NRG3: variants seen among roughly 807,000 people sequenced by gnomAD.
NRG3 encodes neuregulin 3, also known as pro-neuregulin-3, membrane-bound isoform.
NRG3 carries 31 observed loss-of-function variants against 66.9 expected under a neutral mutation model. That is an observed-to-expected ratio of 0.46 (90% CI 0.35 to 0.63). The LOEUF is 0.63. NRG3 is among the 20% of genes least tolerant of loss of function. The pLI is 0.00. For missense variants in NRG3, 910 were observed against 878.9 expected (o/e 1.04, Z -0.45); for synonymous variants, 393 against 359.4 (o/e 1.09, Z -1.06).
chr10:82,357,251 G>T (rs551696765), intron 1 of NRG3, among the ~76,000 whole-genome samples: 29 of 152,202 alleles, frequency 1.9e-4, no homozygotes, highest in Admixed American at 1.2e-3. Context: ...GATGGCCCAT[G>T]CCCTGGTTTG....
At chr10:82,689,353 T>C (rs1050164406) in intron 2 of NRG3, among the ~76,000 whole-genome samples, 53 of 152,186 alleles carry the variant, frequency 3.5e-4, no homozygotes, top group African/African-American at 1.2e-3. Context: ...TTCTCCTGGA[T>C]TCTGCACACA....
At chr10:82,594,493 G>A (rs2047158985) in intron 2 of NRG3, among the ~76,000 whole-genome samples, 1 of 152,096 alleles carries the variant, frequency 6.6e-6, no homozygotes, top group Non-Finnish European at 1.5e-5. Context: ...GCACTGCTAA[G>A]ATGAACCTAA....
At chr10:82,704,992 C>G (rs956848387) in intron 2 of NRG3, among the ~76,000 whole-genome samples, 2 of 151,938 alleles carry the variant, frequency 1.3e-5, no homozygotes, top group African/African-American at 4.8e-5. Context: ...AGAAATCATG[C>G]AAAAAGTAAA....
chr10:82,123,775 G>A (rs766343073), intron 1 of NRG3, among the ~76,000 whole-genome samples: 3 of 152,066 alleles, frequency 2.0e-5, no homozygotes, highest in South Asian at 2.1e-4. Context: ...CAGTGGAATC[G>A]TCTGGAAAAC....
chr10:82,583,893 CT>C (rs1384267449), intron 2 of NRG3, among the ~76,000 whole-genome samples: 1 of 152,136 alleles, frequency 6.6e-6, no homozygotes, highest in Non-Finnish European at 1.5e-5. Context: ...ACCCCTGGGC[CT>C]TGCAGCCAAA....
chr10:82,768,906 A>C (rs1185674630), intron 3 of NRG3, among the ~76,000 whole-genome samples: 1 of 152,088 alleles, frequency 6.6e-6, no homozygotes, highest in Non-Finnish European at 1.5e-5. Context: ...ACCCTCAAGC[A>C]ATTTGATTTT....
intron 3 of NRG3, among the ~76,000 whole-genome samples, chr10:82,762,353 T>A (rs1383000613): frequency 6.6e-6 from 1 of 152,144 alleles, no homozygotes; most frequent in Non-Finnish European, 1.5e-5. Flanking sequence ...ATTATAAAAT[T>A]AAATTTTTCA....
chr10:82,295,261 T>A (rs2079990446), intron 1 of NRG3, among the ~76,000 whole-genome samples: 1 of 152,204 alleles, frequency 6.6e-6, no homozygotes, highest in African/African-American at 2.4e-5. Context: ...TCGTTTCATT[T>A]AAGATGTAGA....
chr10:82,354,395 CT>C (rs11308301), intron 1 of NRG3, among the ~76,000 whole-genome samples: 33,787 of 141,670 alleles, frequency 0.24, 4,762 homozygotes, highest in African/African-American at 0.41. Flanking sequence ...AAAAGTTGTC[CT>C]TTTTTTTTTT....
At chr10:82,177,463 A>G (rs2073116419) in intron 1 of NRG3, among the ~76,000 whole-genome samples, 1 of 152,234 alleles carries the variant, frequency 6.6e-6, no homozygotes, top group Admixed American at 6.5e-5. Flanking sequence ...TTACATAATA[A>G]CTGAGTACAA....
intron 1 of NRG3, among the ~76,000 whole-genome samples, chr10:81,892,117 T>C (rs1843063062): frequency 6.6e-6 from 1 of 152,160 alleles, no homozygotes; most frequent in Non-Finnish European, 1.5e-5. Context: ...AGATGAACTT[T>C]GCTTGTTTAC....
At chr10:82,934,293 C>T (rs1847864365) in intron 4 of NRG3, among the ~76,000 whole-genome samples, 1 of 152,190 alleles carries the variant, frequency 6.6e-6, no homozygotes, top group South Asian at 2.1e-4. Context: ...AAATACTCTA[C>T]ATACTTTTTA....
chr10:82,684,917 T>C (rs2054393956), intron 2 of NRG3, among the ~76,000 whole-genome samples: 1 of 152,146 alleles, frequency 6.6e-6, no homozygotes, highest in Admixed American at 6.5e-5. Context: ...TGAAGAACCT[T>C]TAGTGCCTTG....
intron 1 of NRG3, among the ~76,000 whole-genome samples, chr10:81,996,159 G>C (rs2060931916): frequency 6.6e-6 from 1 of 152,172 alleles, no homozygotes. Context: ...GTGACAAATA[G>C]ATAATGCATC....
intron 2 of NRG3, among the ~76,000 whole-genome samples, chr10:82,466,707 C>G (rs1308466226): frequency 3.9e-5 from 6 of 151,904 alleles, no homozygotes; most frequent in Non-Finnish European, 7.4e-5. Flanking sequence ...AGGCCAGTAC[C>G]CAAGAAATTA....
intron 2 of NRG3, among the ~76,000 whole-genome samples, chr10:82,548,108 G>C (rs2044053905): frequency 6.8e-6 from 1 of 146,254 alleles, no homozygotes; most frequent in African/African-American, 2.6e-5. Flanking sequence ...CACCCAGTAA[G>C]ATATATAACT....
In NRG3 at chr10:82,336,461, T is replaced by G. The variant is rs1482491521; in HGVS notation, c.824-22278T>G. ...TTAAATTGGAATTTCTGTTAAAAAT[T>G]CCGAATTTTCTCAGCAATAACTTTC... On this transcript the variant is annotated intron_variant, in intron 1 of 8. Transcript: ENST00000372141. Among the ~76,000 whole-genome samples the G allele has an allele frequency of 2.0e-5, 3 of 152,092 alleles. No homozygotes were observed. The South Asian group carries it at 6.2e-4, about 32-fold the overall frequency.
intron 3 of NRG3, among the ~76,000 whole-genome samples, chr10:82,812,122 G>A (rs539983331): frequency 7.6e-4 from 115 of 152,258 alleles, no homozygotes; most frequent in Non-Finnish European, 1.4e-3. Context: ...ATGTTAATAT[G>A]TATATAATTA....
chr10:82,308,568 G>T lies in NRG3; in HGVS notation c.824-50171G>T, dbSNP rs913605482. Among the ~76,000 whole-genome samples the T allele has an allele frequency of 3.3e-5, 5 of 152,056 alleles. No homozygotes were observed. The East Asian group carries it at 5.8e-4, about 18-fold the overall frequency. On this transcript the variant is annotated intron_variant, in intron 1 of 8. Coordinates refer to ENST00000372141, the MANE Select transcript of NRG3 (RefSeq NM_001010848.4). ...AATGGATTTTGTGTATATTAACATT[G>T]TTTGTGCTGCATCTTTATGATTACC...
Sources: allele counts gnomAD v4.1 joint callset (sites outside exome capture counted in the v4.1 genomes callset), GRCh38; gene constraint gnomAD v4.1.1; transcripts MANE v1.5; gene names NCBI Gene and HGNC (gene_info 2026-07-23, HGNC 2026-07-21).